Variants in ZNF775 observed in about 807,000 individuals in gnomAD.
ZNF775 encodes the protein zinc finger protein 775.
Under a neutral mutation model 2.4 loss-of-function variants are expected in ZNF775, and 1 was observed. The ratio of observed to expected loss-of-function variants is 0.41; its 90% CI spans 0.15 to 1.94. The LOEUF is 1.94. ZNF775 is among the 30% of genes most tolerant of loss of function. ZNF775 has a pLI of 0.30. For synonymous variants in ZNF775, 381 were observed against 373.3 expected, an observed-to-expected ratio of 1.02 and a Z score of -0.24; for missense variants, 823 against 826.6, an observed-to-expected ratio of 1.00 and a Z score of 0.05.
intron 1 of ZNF775, among the ~76,000 whole-genome samples, chr7:150,386,274 G>C (rs1800450154): frequency 6.6e-6 from 1 of 152,080 alleles, no homozygotes; most frequent in Non-Finnish European, 1.5e-5. Context: ...TACTTGAGGA[G>C]CATTTACTGC....
Position 150,398,311 on chromosome 7 carries a change from T to G in ZNF775, c.*216T>G. On this transcript the variant is annotated 3_prime_UTR_variant, in exon 3 of 3. Transcript: ENST00000329630. ...GTTGAGGGAGGAGGGAAGATCCGAG[T>G]TCCTCACCGCGGGCCGGGATGTGAC... 1 of 772,670 alleles carries G rather than the reference T, an allele frequency of 1.3e-6. No homozygotes were observed. The highest frequency in any genetic ancestry group is 2.9e-5 in the East Asian group (1 of 34,514). 47.9% of individuals were successfully genotyped at this position (772,670 alleles called of 1,614,324 possible). A position where few individuals can be genotyped will look rare whatever the true frequency, so the allele number is the denominator to read the frequency against.
At position 150,398,323 on chromosome 7, in the gene ZNF775, G is replaced by A. The variant is rs1800722257; in HGVS notation, c.*228G>A. 5.7e-6 allele frequency: 4 copies of A among 707,728 alleles called. No homozygotes were observed. Among genetic ancestry groups the A allele is most frequent in the Non-Finnish European group, 8.9e-6 (4 of 449,850 alleles). 43.8% of individuals were successfully genotyped at this position (707,728 alleles called of 1,614,324 possible). ...GGGAAGATCCGAGTTCCTCACCGCGGGCCGGGATGTGACCACCCTCTTCAG... is the reference window on the plus strand; with the variant it reads ...GGGAAGATCCGAGTTCCTCACCGCGAGCCGGGATGTGACCACCCTCTTCAG... On this transcript the variant is annotated 3_prime_UTR_variant, in exon 3 of 3. Transcript: ENST00000329630.
In ZNF775 at chr7:150,384,716, G is replaced by C. The variant is rs79388209; in HGVS notation, c.-49-3706G>C. ...CTTCTGTCTCCATTTCTGTTCTTAC[G>C]TAAGCCACAGGCTGCTTCCCCTCGA... On this transcript the variant is annotated intron_variant, in intron 1 of 2. Transcript: ENST00000329630. The surrounding 1 kb of genome is among the most constrained non-coding windows in gnomAD (Gnocchi z 4.1). Among the ~76,000 whole-genome samples the C allele has an allele frequency of 6.6e-6, 1 of 152,106 alleles. No homozygotes were observed. The highest frequency in any genetic ancestry group is 2.4e-5 in the African/African-American group (1 of 41,440).
chr7:150,385,640 C>T (rs1391660942), intron 1 of ZNF775, among the ~76,000 whole-genome samples: 1 of 152,244 alleles, frequency 6.6e-6, no homozygotes, highest in African/African-American at 2.4e-5. Context: ...TCAGGATAAA[C>T]AGCAACCAGC....
chr7:150,381,287 G>C (rs1181224361), intron 1 of ZNF775, among the ~76,000 whole-genome samples: 1 of 152,064 alleles, frequency 6.6e-6, no homozygotes, highest in Non-Finnish European at 1.5e-5. Context: ...ATCATGGCTG[G>C]GGTTGAATTG....
chr7:150,394,806 T>C (rs1382279453), intron 2 of ZNF775, among the ~76,000 whole-genome samples: 2 of 152,194 alleles, frequency 1.3e-5, no homozygotes, highest in African/African-American at 2.4e-5. Flanking sequence ...TAAATTATAT[T>C]GGGCCATCTT....
At chr7:150,385,955 A>C (rs1226594929) in intron 1 of ZNF775, among the ~76,000 whole-genome samples, 1 of 135,952 alleles carries the variant, frequency 7.4e-6, no homozygotes, top group Non-Finnish European at 1.7e-5. Context: ...TGTTGGCAGA[A>C]GGCTTATTTA....
chr7:150,398,295 G>A lies in ZNF775; in HGVS notation c.*200G>A. 1 of 899,898 alleles carries A rather than the reference G, an allele frequency of 1.1e-6. No individual in the cohort carries two copies. 55.7% of individuals were successfully genotyped at this position (899,898 alleles called of 1,614,324 possible). On this transcript the variant is annotated 3_prime_UTR_variant, in exon 3 of 3. Coordinates refer to ENST00000329630, the MANE Select transcript of ZNF775 (RefSeq NM_173680.4). ...AAAGGTCCCAGCGTGGGTTGAGGGA[G>A]GAGGGAAGATCCGAGTTCCTCACCG... is the stretch of plus-strand genomic sequence containing the variant.
At chr7:150,381,927 G>A (rs1244012915) in intron 1 of ZNF775, among the ~76,000 whole-genome samples, 1 of 151,766 alleles carries the variant, frequency 6.6e-6, no homozygotes. Context: ...GTGGGATCCG[G>A]GAAGTTGGAG....
intron 1 of ZNF775, among the ~76,000 whole-genome samples, 158 bp downstream of exon 1, chr7:150,379,550 C>T (rs553546658): frequency 1.8e-4 from 28 of 151,988 alleles, no homozygotes; most frequent in South Asian, 1.0e-3. Context: ...TGGGGTGCCC[C>T]GAGCCCCGCG....
chr7:150,397,919 G>A lies in ZNF775; in HGVS notation c.1438G>A (p.Gly480Ser), dbSNP rs1209972499. Residue 480 changes from glycine (G) to serine (S), a missense_variant, in exon 3 of 3, where the codon GGC becomes AGC. By Grantham distance (56) the Gly-to-Ser change is moderately conservative (BLOSUM62 0). Coordinates refer to ENST00000329630, the MANE Select transcript of ZNF775 (RefSeq NM_173680.4). Reference sequence around the variant, plus strand: ...GCGGCCCTACCCGTGCCCCGAGTGCGGCCGCCGCTTCAGCCAGAAGCCCAA... The same window carrying A: ...GCGGCCCTACCCGTGCCCCGAGTGCAGCCGCCGCTTCAGCCAGAAGCCCAA... Reference protein sequence around the residue: ...GERPYPCPECGRRFSQKPNLT... With the variant: ...GERPYPCPECSRRFSQKPNLT... 1.2e-6 allele frequency: 2 copies of A among 1,601,124 alleles called. No homozygotes were observed. Among genetic ancestry groups the A allele is most frequent in the Non-Finnish European group, 8.5e-7 (1 of 1,178,464 alleles).
At chr7:150,389,795 C>G (rs907906582) in intron 2 of ZNF775, among the ~76,000 whole-genome samples, 1 of 152,096 alleles carries the variant, frequency 6.6e-6, no homozygotes, top group Non-Finnish European at 1.5e-5. Context: ...AACCACTCAT[C>G]TGGAGGACCC....
chr7:150,394,648 TCTCCCTCCCTCC>T (rs367790337), intron 2 of ZNF775, among the ~76,000 whole-genome samples: 1 of 147,380 alleles, frequency 6.8e-6, no homozygotes, highest in East Asian at 2.0e-4. Flanking sequence ...TCTCTCTCTC[TCTCCCTCCCTCC>T]CTCCCTCCCT....
intron 1 of ZNF775, among the ~76,000 whole-genome samples, chr7:150,387,968 C>T (rs1585085514): frequency 6.6e-6 from 1 of 152,140 alleles, no homozygotes; most frequent in African/African-American, 2.4e-5. Context: ...GGGCGGGTGA[C>T]GGAGGAAACG....
intron 1 of ZNF775, among the ~76,000 whole-genome samples, chr7:150,385,379 C>T (rs1055975530): frequency 2.6e-5 from 4 of 152,188 alleles, no homozygotes; most frequent in African/African-American, 9.6e-5. Context: ...ATGTGGTGCG[C>T]ACCATGGACA....
Position 150,397,130 on chromosome 7 carries a change from C to G in ZNF775, c.649C>G (p.Arg217Gly). ...RIHQRAHARD[R>G]QGSRAGLHEL... Reference sequence around the variant, plus strand: ...CCACCAGCGCGCGCACGCCCGGGACCGCCAGGGCTCCCGCGCCGGCCTGCA... The same window carrying G: ...CCACCAGCGCGCGCACGCCCGGGACGGCCAGGGCTCCCGCGCCGGCCTGCA... The change falls in exon 3 of 3, where the codon CGC (arginine) becomes GGC (glycine). Residue 217 changes from arginine (R) to glycine (G), a missense_variant. Transcript: ENST00000329630. The G allele has an allele frequency of 6.6e-7, 1 of 1,509,046 alleles. No individual in the cohort carries two copies. The highest frequency in any genetic ancestry group is 8.8e-7 in the Non-Finnish European group (1 of 1,137,934). The allele number at this position is 1,509,046 out of a possible 1,614,324, so 93.5% of individuals were successfully genotyped here.
chr7:150,387,585 G>A (rs1392814593), intron 1 of ZNF775, among the ~76,000 whole-genome samples: 1 of 152,242 alleles, frequency 6.6e-6, no homozygotes, highest in East Asian at 1.9e-4. Flanking sequence ...AGACTGAGGC[G>A]GGCGGATCAT....
chr7:150,389,746 C>T (rs779689564), intron 2 of ZNF775, among the ~76,000 whole-genome samples: 9 of 152,180 alleles, frequency 5.9e-5, no homozygotes, highest in African/African-American at 1.7e-4. Flanking sequence ...CCTGGAGACA[C>T]GGAGGCACGT....
intron 1 of ZNF775, among the ~76,000 whole-genome samples, chr7:150,386,128 G>T (rs1473878905): frequency 1.3e-5 from 2 of 152,104 alleles, no homozygotes; most frequent in Non-Finnish European, 2.9e-5. Flanking sequence ...TAGAGACGGG[G>T]TTTCCCCACG....
Sources: allele counts gnomAD v4.1 joint callset (sites outside exome capture counted in the v4.1 genomes callset), GRCh38; gene constraint gnomAD v4.1.1; non-coding constraint Gnocchi (gnomAD v3.1); transcripts MANE v1.5; gene names NCBI Gene and HGNC (gene_info 2026-07-23, HGNC 2026-07-21).